The following PKIG variants were observed in gnomAD, a reference collection of about 807,000 sequenced individuals.
PKIG encodes the protein protein kinase (cAMP-dependent, catalytic) inhibitor gamma.
PKIG carries 1 observed loss-of-function variant against 6.8 expected under a neutral mutation model. That is an observed-to-expected ratio of 0.15 (90% CI 0.05 to 0.69). The LOEUF (loss-of-function observed/expected upper bound fraction) is 0.69. PKIG is among the 30% of genes least tolerant of loss of function. PKIG has a pLI of 0.82. For synonymous variants in PKIG, 39 were observed against 43.0 expected, an observed-to-expected ratio of 0.91 and a Z score of 0.36; for missense variants, 77 against 104.0, an observed-to-expected ratio of 0.74 and a Z score of 1.13.
chr20:44,594,272 C>T (rs2065057502), intron 2 of PKIG, among the ~76,000 whole-genome samples: 1 of 152,166 alleles, frequency 6.6e-6, no homozygotes, highest in Admixed American at 6.5e-5. Flanking sequence ...AGGCATTATA[C>T]ATCCATTATT....
chr20:44,556,135 A>G (rs887618512), intron 1 of PKIG, among the ~76,000 whole-genome samples: 1 of 151,990 alleles, frequency 6.6e-6, no homozygotes, highest in Admixed American at 6.6e-5. Context: ...CACCACACCC[A>G]GCCTAGAGAC....
chr20:44,536,454 G>A (rs1600831907), intron 1 of PKIG, among the ~76,000 whole-genome samples: 1 of 152,196 alleles, frequency 6.6e-6, no homozygotes, highest in East Asian at 1.9e-4. Context: ...GCAGCGGAAA[G>A]GGAAAGGAGA....
Position 44,614,615 on chromosome 20 carries a change from G to A in PKIG, c.59G>A (p.Arg20Gln). The change falls in exon 3 of 4, where the codon CGG (arginine) becomes CAG (glutamine). Residue 20 changes from arginine (R) to glutamine (Q), a missense_variant. Transcript: ENST00000372886. The surrounding 1 kb of genome is among the most constrained non-coding windows in gnomAD (Gnocchi z 4.6). The stretch of plus-strand genomic sequence containing the variant: ...ATCTCCTGTGACCGGACAGGCCGTC[G>A]GAATGCGGTCCCTGACATCCAGGGA... ...DFISCDRTGR[R>Q]NAVPDIQGDS... The A allele has an allele frequency of 6.2e-7, 1 of 1,614,080 alleles. No individual in the cohort carries two copies. The highest frequency in any genetic ancestry group is 8.5e-7 in the Non-Finnish European group (1 of 1,180,004).
chr20:44,564,521 G>A (rs1266904724), intron 1 of PKIG, among the ~76,000 whole-genome samples: 1 of 151,662 alleles, frequency 6.6e-6, no homozygotes, highest in East Asian at 1.9e-4. Context: ...TTATGTATAA[G>A]CTCTCTCTAA....
upstream of PKIG, chr20:44,531,898 T>TTGCGGGC (rs1044338921): frequency 7.9e-5 from 12 of 152,442 alleles, no homozygotes; most frequent in Admixed American, 2.0e-4. Context: ...CCGCTGCGGG[T>TTGCGGGC]TGCGGGCTGC....
At chr20:44,576,555 A>T (rs1427239197) in intron 1 of PKIG, among the ~76,000 whole-genome samples, 1 of 152,232 alleles carries the variant, frequency 6.6e-6, no homozygotes, top group Non-Finnish European at 1.5e-5. Context: ...GTCTGAGACC[A>T]ATAGAGAGTA....
At chr20:44,613,841 A>G (rs932517447) in intron 2 of PKIG, among the ~76,000 whole-genome samples, 5 of 152,066 alleles carry the variant, frequency 3.3e-5, no homozygotes, top group Non-Finnish European at 5.9e-5. Context: ...CTCAGGAACC[A>G]AGTTCCAGAT....
chr20:44,579,894 A>C (rs1368364481), upstream of PKIG, among the ~76,000 whole-genome samples: 1 of 152,204 alleles, frequency 6.6e-6, no homozygotes, highest in East Asian at 1.9e-4. Flanking sequence ...ACACCTACTC[A>C]GTCTTCTGGA....
chr20:44,610,665 A>G (rs1402689255), intron 2 of PKIG, among the ~76,000 whole-genome samples: 1 of 152,244 alleles, frequency 6.6e-6, no homozygotes, highest in Non-Finnish European at 1.5e-5. Flanking sequence ...AGACTTAGAA[A>G]ACGAAAGTTC....
intron 2 of PKIG, among the ~76,000 whole-genome samples, chr20:44,590,216 G>A (rs1278402094): frequency 2.0e-5 from 3 of 152,186 alleles, no homozygotes; most frequent in Admixed American, 6.5e-5. Flanking sequence ...CCTGGTGCCA[G>A]CTTTCCTCTC....
chr20:44,570,789 G>T (rs1487193456), intron 1 of PKIG, among the ~76,000 whole-genome samples: 2 of 152,204 alleles, frequency 1.3e-5, no homozygotes, highest in South Asian at 4.1e-4. Context: ...ACGCTTAACA[G>T]AAAGTGACAT....
intron 1 of PKIG, among the ~76,000 whole-genome samples, chr20:44,544,070 A>G (rs2064588346): frequency 1.3e-5 from 2 of 151,898 alleles, no homozygotes; most frequent in African/African-American, 4.8e-5. Context: ...GCCTCAAAAA[A>G]AAAAAAAAAA....
intron 1 of PKIG, among the ~76,000 whole-genome samples, chr20:44,588,574 G>A (rs2065009399): frequency 6.6e-6 from 1 of 152,100 alleles, no homozygotes; most frequent in Non-Finnish European, 1.5e-5. Flanking sequence ...AACTTGGGAG[G>A]CAGAGGTTGC....
intron 1 of PKIG, among the ~76,000 whole-genome samples, chr20:44,539,231 C>T (rs909841437): frequency 3.9e-5 from 6 of 152,122 alleles, no homozygotes; most frequent in African/African-American, 9.7e-5. Flanking sequence ...CCATCATGCC[C>T]GGCCTGCCCA....
intron 1 of PKIG, among the ~76,000 whole-genome samples, chr20:44,557,500 GGGTGACA>G (rs1257334022): frequency 2.7e-5 from 4 of 146,394 alleles, no homozygotes; most frequent in African/African-American, 5.1e-5. Context: ...CACTCCAGCT[GGGTGACA>G]GGTGACAGGT....
chr20:44,593,135 A>G (rs2065046804), intron 2 of PKIG, among the ~76,000 whole-genome samples: 1 of 150,802 alleles, frequency 6.6e-6, no homozygotes, highest in Non-Finnish European at 1.5e-5. Flanking sequence ...CCTGGGCAAC[A>G]TAGCGAAACC....
intron 1 of PKIG, among the ~76,000 whole-genome samples, chr20:44,545,191 C>G (rs1477022291): frequency 1.3e-5 from 2 of 152,090 alleles, no homozygotes; most frequent in Non-Finnish European, 2.9e-5. Context: ...CCACCTTGGC[C>G]TCCCAAAGTG....
chr20:44,601,661 G>C (rs971483046), intron 2 of PKIG, among the ~76,000 whole-genome samples: 18 of 152,180 alleles, frequency 1.2e-4, no homozygotes, highest in African/African-American at 3.6e-4. Flanking sequence ...AGAGCATTTT[G>C]CCCACCCCTG....
chr20:44,574,841 A>T (rs1458956082), intron 1 of PKIG, among the ~76,000 whole-genome samples: 1 of 152,224 alleles, frequency 6.6e-6, no homozygotes, highest in Non-Finnish European at 1.5e-5. Flanking sequence ...AAGTGTTGAG[A>T]TTACAGGCGT....
Sources: gnomAD v4.1 joint callset for allele counts (sites outside exome capture counted in the v4.1 genomes callset) on GRCh38, gnomAD v4.1.1 for gene constraint, Gnocchi (gnomAD v3.1) non-coding constraint, MANE v1.5 for transcripts, NCBI Gene and HGNC (gene_info 2026-07-23, HGNC 2026-07-21) for gene names.